The following EFCAB11 variants were observed in gnomAD, a reference collection of about 807,000 sequenced individuals.
EFCAB11 encodes EF-hand calcium-binding domain-containing protein 11.
A neutral mutation model predicts 23.0 loss-of-function variants in EFCAB11; 14 were observed. That is an observed-to-expected ratio of 0.61 (90% CI 0.40 to 0.95). The LOEUF is 0.95. EFCAB11 is among the 40% of genes least tolerant of loss of function. The pLI is 0.00. For synonymous variants in EFCAB11, 65 were observed against 66.6 expected, an observed-to-expected ratio of 0.98 and a Z score of 0.11; for missense variants, 198 against 195.8, an observed-to-expected ratio of 1.01 and a Z score of -0.07.
At chr14:89,894,696 T>C (rs1251931837) in intron 5 of EFCAB11, among the ~76,000 whole-genome samples, 1 of 152,152 alleles carries the variant, frequency 6.6e-6, no homozygotes, top group Admixed American at 6.5e-5. Context: ...GATATAAGGA[T>C]TGGAACGGAA....
intron 3 of EFCAB11, among the ~76,000 whole-genome samples, chr14:89,944,686 C>A (rs1890904080): frequency 6.6e-6 from 1 of 152,048 alleles, no homozygotes; most frequent in Non-Finnish European, 1.5e-5. Context: ...AAACATTATT[C>A]TGAATATTTT....
intron 5 of EFCAB11, among the ~76,000 whole-genome samples, chr14:89,810,245 C>T (rs372523586): frequency 1.1e-4 from 16 of 152,188 alleles, no homozygotes; most frequent in East Asian, 3.9e-4. Flanking sequence ...AGTTTGGAGA[C>T]GGGAGAAAGA....
intron 5 of EFCAB11, among the ~76,000 whole-genome samples, chr14:89,819,255 T>C (rs1886429563): frequency 6.6e-6 from 1 of 151,930 alleles, no homozygotes; most frequent in Non-Finnish European, 1.5e-5. Flanking sequence ...CCAAAACAAG[T>C]ACATATTATA....
chr14:89,855,700 A>C (rs539981647), intron 5 of EFCAB11, among the ~76,000 whole-genome samples: 32 of 152,218 alleles, frequency 2.1e-4, no homozygotes, highest in African/African-American at 7.5e-4. Context: ...TGTAGTGCTC[A>C]TGTTGTACCT....
chr14:89,925,648 CTTT>C (rs397758240), intron 5 of EFCAB11, among the ~76,000 whole-genome samples: 4 of 134,692 alleles, frequency 3.0e-5, no homozygotes, highest in Admixed American at 7.7e-5. Context: ...ATGTTTCTTT[CTTT>C]TTTTTTTTTT....
At chr14:89,935,841 C>T (rs1206204164) in intron 3 of EFCAB11, among the ~76,000 whole-genome samples, 2 of 152,130 alleles carry the variant, frequency 1.3e-5, no homozygotes, top group African/African-American at 4.8e-5. Context: ...AAACCTATCT[C>T]CACTAAAAAT....
rs1695354992 is a variant in EFCAB11, at chr14:89,932,419, T to C, written c.319+107A>G. ...AGGTAACAGCTAATGAATACAGTAA[T>C]ATAATCTTCCAAGTATATTATATAT... is the stretch of plus-strand genomic sequence containing the variant. On this transcript the variant is annotated intron_variant, in intron 4 of 5. Transcript: ENST00000316738. 4.7e-5 allele frequency: 40 copies of C among 847,722 alleles called. No homozygotes were observed. The South Asian group carries it at 6.0e-4, about 13-fold the overall frequency. 52.5% of individuals were successfully genotyped at this position (847,722 alleles called of 1,614,324 possible). A position where few individuals can be genotyped will look rare whatever the true frequency, so the allele number is the denominator to read the frequency against.
chr14:89,953,353 T>C (rs1891255656), intron 2 of EFCAB11, among the ~76,000 whole-genome samples: 1 of 152,166 alleles, frequency 6.6e-6, no homozygotes. Context: ...GTAGGCACAA[T>C]ATTTACCCAT....
intron 5 of EFCAB11, among the ~76,000 whole-genome samples, chr14:89,894,349 T>G (rs1889091911): frequency 6.6e-6 from 1 of 152,050 alleles, no homozygotes; most frequent in Non-Finnish European, 1.5e-5. Context: ...GCTGCACCTA[T>G]CAACCTGTCA....
intron 5 of EFCAB11, among the ~76,000 whole-genome samples, chr14:89,846,650 C>T (rs1290241482): frequency 3.3e-5 from 5 of 152,198 alleles, no homozygotes. Flanking sequence ...CAACTCAGTT[C>T]TTCATTTACT....
At chr14:89,936,326 A>C (rs1014775601) in intron 3 of EFCAB11, among the ~76,000 whole-genome samples, 2 of 152,182 alleles carry the variant, frequency 1.3e-5, no homozygotes, top group Non-Finnish European at 2.9e-5. Flanking sequence ...TATTCAGATA[A>C]CTCATGAGTA....
chr14:89,912,389 CT>C (rs139451621), intron 5 of EFCAB11, among the ~76,000 whole-genome samples: 2 of 151,196 alleles, frequency 1.3e-5, no homozygotes, highest in Admixed American at 1.3e-4. Flanking sequence ...AGCTCAGGGG[CT>C]TTTTTTTTCT....
chr14:89,908,375 TG>T (rs759437783), intron 5 of EFCAB11, among the ~76,000 whole-genome samples: 4 of 152,228 alleles, frequency 2.6e-5, no homozygotes, highest in Non-Finnish European at 5.9e-5. Context: ...TAACTTGCCC[TG>T]GAAATCCAAA....
At chr14:89,807,855 T>C (rs1181364241) in intron 5 of EFCAB11, among the ~76,000 whole-genome samples, 1 of 152,106 alleles carries the variant, frequency 6.6e-6, no homozygotes, top group African/African-American at 2.4e-5. Context: ...AACAATGTTA[T>C]CAAAACAAAA....
chr14:89,954,723 G>A lies in EFCAB11; in HGVS notation c.-63C>T, dbSNP rs1891397599. On this transcript the variant is annotated 5_prime_UTR_variant, in exon 1 of 6. Coordinates refer to ENST00000316738, the MANE Select transcript of EFCAB11 (RefSeq NM_145231.4). Reference sequence around the variant, plus strand: ...CTACCACCGCTTTCCCAGCCTGGCTGGCAGCCTACCGCGGCCACGCCCACC... The same window carrying A: ...CTACCACCGCTTTCCCAGCCTGGCTAGCAGCCTACCGCGGCCACGCCCACC... The A allele has an allele frequency of 1.3e-6, 2 of 1,568,690 alleles. No individual in the cohort carries two copies. Among genetic ancestry groups the A allele is most frequent in the Admixed American group, 1.8e-5 (1 of 55,176 alleles).
chr14:89,898,821 G>A (rs1218999385), intron 5 of EFCAB11, among the ~76,000 whole-genome samples: 2 of 151,436 alleles, frequency 1.3e-5, no homozygotes, highest in African/African-American at 2.4e-5. Flanking sequence ...ACAGGGGTGT[G>A]CCACAATGCC....
intron 5 of EFCAB11, among the ~76,000 whole-genome samples, chr14:89,926,816 A>G (rs1890209390): frequency 6.6e-6 from 1 of 152,246 alleles, no homozygotes; most frequent in South Asian, 2.1e-4. Context: ...TATAATTCTT[A>G]TGACCCCTAC....
intron 5 of EFCAB11, among the ~76,000 whole-genome samples, chr14:89,866,052 C>T (rs964588832): frequency 1.3e-5 from 2 of 151,858 alleles, no homozygotes; most frequent in Non-Finnish European, 2.9e-5. Context: ...TCCAAAGTGC[C>T]GGGATTACAG....
chr14:89,946,774 T>C (rs1566824514), intron 3 of EFCAB11, among the ~76,000 whole-genome samples: 1 of 149,956 alleles, frequency 6.7e-6, no homozygotes, highest in Admixed American at 6.6e-5. Flanking sequence ...CAGAGTCTCA[T>C]ACTATGTTGA....
Sources: gnomAD v4.1 joint callset for allele counts (sites outside exome capture counted in the v4.1 genomes callset) on GRCh38, gnomAD v4.1.1 for gene constraint, MANE v1.5 for transcripts, NCBI Gene and HGNC (gene_info 2026-07-23, HGNC 2026-07-21) for gene names.